Variants in GRM8 observed in about 807,000 individuals in gnomAD.
GRM8 encodes glutamate metabotropic receptor 8.
A neutral mutation model predicts 87.2 loss-of-function variants in GRM8; 47 were observed. The observed-to-expected ratio is 0.54, with a 90% CI of 0.43 to 0.69. The LOEUF is 0.69. Among genes scored for constraint, GRM8 ranks in the 30% least tolerant of loss-of-function variants. The pLI is 0.00. For synonymous variants in GRM8, 396 were observed against 404.5 expected, an observed-to-expected ratio of 0.98 and a Z score of 0.25; for missense variants, 1,019 against 1,139.2, an observed-to-expected ratio of 0.89 and a Z score of 1.52.
chr7:127,213,397 CAAT>C (rs1411105712), intron 2 of GRM8, among the ~76,000 whole-genome samples: 1 of 152,000 alleles, frequency 6.6e-6, no homozygotes, highest in Non-Finnish European at 1.5e-5. Flanking sequence ...TAAAATACCT[CAAT>C]AATTTTCATA....
intron 3 of GRM8, among the ~76,000 whole-genome samples, chr7:126,979,059 A>G (rs1039642611): frequency 2.6e-5 from 4 of 152,200 alleles, no homozygotes; most frequent in Admixed American, 2.6e-4. Context: ...ATGTGTAAAG[A>G]TCTGAAGCAT....
chr7:126,807,588 A>G (rs957946342), intron 6 of GRM8, among the ~76,000 whole-genome samples: 4 of 151,674 alleles, frequency 2.6e-5, no homozygotes, highest in African/African-American at 7.3e-5. Flanking sequence ...TTCCCCCTTC[A>G]TTATATTATC....
intron 6 of GRM8, among the ~76,000 whole-genome samples, chr7:126,862,643 A>G (rs948725752): frequency 6.6e-6 from 1 of 152,018 alleles, no homozygotes; most frequent in African/African-American, 2.4e-5. Context: ...TAATGCTTTA[A>G]ATTATAATAT....
intron 2 of GRM8, among the ~76,000 whole-genome samples, chr7:127,181,550 C>T (rs939102782): frequency 6.6e-6 from 1 of 151,716 alleles, no homozygotes; most frequent in Non-Finnish European, 1.5e-5. Flanking sequence ...CAAGACTAAG[C>T]AAAAAGAATA....
intron 9 of GRM8, among the ~76,000 whole-genome samples, chr7:126,503,187 G>C (rs903742380): frequency 6.6e-6 from 1 of 151,860 alleles, no homozygotes; most frequent in African/African-American, 2.4e-5. Context: ...TGGATCTGGG[G>C]GAATGAGGCT....
intron 7 of GRM8, among the ~76,000 whole-genome samples, chr7:126,682,638 C>G (rs1807727067): frequency 6.6e-6 from 1 of 152,208 alleles, no homozygotes; most frequent in African/African-American, 2.4e-5. Context: ...CTCGGCCTCA[C>G]CCATTCATTT....
In GRM8 at chr7:126,543,073, T is replaced by C. The variant is rs145943248; in HGVS notation, c.1495-9186A>G. 5.2e-3 allele frequency among the ~76,000 whole-genome samples: 786 copies of C among 152,334 alleles called. 8 individuals carry two copies. Among genetic ancestry groups the C allele is most frequent in the African/African-American group, 0.018 (751 of 41,580 alleles). On this transcript the variant is annotated intron_variant, in intron 8 of 10. Coordinates refer to ENST00000339582, the MANE Select transcript of GRM8 (RefSeq NM_000845.3). Reference sequence around the variant, plus strand: ...CATAAATCCAATAAACCAGCCTACATGGACATCTATGCATGATCTTGTCCC... The same window carrying C: ...CATAAATCCAATAAACCAGCCTACACGGACATCTATGCATGATCTTGTCCC...
At chr7:127,212,300 T>C (rs1291357414) in intron 2 of GRM8, among the ~76,000 whole-genome samples, 1 of 152,030 alleles carries the variant, frequency 6.6e-6, no homozygotes, top group African/African-American at 2.4e-5. Context: ...AAGACAGACA[T>C]AGAATTTCGC....
intron 9 of GRM8, among the ~76,000 whole-genome samples, chr7:126,460,176 T>G (rs776787691): frequency 2.4e-4 from 37 of 151,570 alleles, no homozygotes; most frequent in Non-Finnish European, 4.7e-4. Context: ...TCATGTCTGA[T>G]GTAGATATAT....
chr7:126,763,537 TCTGA>T lies in GRM8; in HGVS notation c.1357+6324_1357+6327del, dbSNP rs755485052. ...TACTTATTTATCATCATTCTATGTT[TCTGA>T]CTATTTCTATTTGGTTTCATTTATC... On this transcript the variant is annotated intron_variant, in intron 7 of 10. Coordinates refer to ENST00000339582, the MANE Select transcript of GRM8 (RefSeq NM_000845.3). 2.1e-3 allele frequency among the ~76,000 whole-genome samples: 308 copies of T among 149,888 alleles called. 1 individual carries two copies. Among genetic ancestry groups the T allele is most frequent in the Admixed American group, 4.1e-3 (62 of 14,976 alleles).
At chr7:126,906,940 C>T (rs1802736754) in intron 3 of GRM8, among the ~76,000 whole-genome samples, 1 of 152,120 alleles carries the variant, frequency 6.6e-6, no homozygotes, top group Non-Finnish European at 1.5e-5. Context: ...TGCCCCGTAT[C>T]TGCTAGATAC....
At chr7:126,600,219 G>T (rs1797597593) in intron 8 of GRM8, among the ~76,000 whole-genome samples, 1 of 152,098 alleles carries the variant, frequency 6.6e-6, no homozygotes, top group African/African-American at 2.4e-5. Context: ...TAATAAATTA[G>T]AAATCCGTTG....
At chr7:126,922,189 T>G (rs1487099654) in intron 3 of GRM8, among the ~76,000 whole-genome samples, 1 of 152,020 alleles carries the variant, frequency 6.6e-6, no homozygotes, top group Non-Finnish European at 1.5e-5. Flanking sequence ...AAAAACAAAA[T>G]GTTTAAGAAT....
chr7:126,592,848 GAA>G (rs1796817388), intron 8 of GRM8, among the ~76,000 whole-genome samples: 1 of 151,782 alleles, frequency 6.6e-6, no homozygotes, highest in Admixed American at 6.6e-5. Context: ...AATTAGAAAA[GAA>G]GAGATAAATT....
rs887332473 is a variant in GRM8, at chr7:127,047,397, G to GT, written c.727+59098dup. 1.8e-4 allele frequency among the ~76,000 whole-genome samples: 27 copies of GT among 149,998 alleles called. 1 individual carries two copies. Among genetic ancestry groups the GT allele is most frequent in the South Asian group, 1.1e-3 (5 of 4,738 alleles). ...AGGAAAGGAGGCCAAAGAGTTTTAA[G>GT]TTTTTTTTTTCTAACTTCTCCTAAT... On this transcript the variant is annotated intron_variant, in intron 3 of 10. Coordinates refer to ENST00000339582, the MANE Select transcript of GRM8 (RefSeq NM_000845.3).
intron 2 of GRM8, among the ~76,000 whole-genome samples, chr7:127,152,364 G>T (rs1176682429): frequency 1.3e-5 from 2 of 152,082 alleles, no homozygotes; most frequent in African/African-American, 4.8e-5. Context: ...GGTGGTGGTG[G>T]TTAACAGGCA....
chr7:126,449,237 A>G (rs1299782046), intron 9 of GRM8, among the ~76,000 whole-genome samples: 1 of 151,782 alleles, frequency 6.6e-6, no homozygotes, highest in Non-Finnish European at 1.5e-5. Flanking sequence ...AAAGTCCCCA[A>G]ACCAACCTCC....
chr7:126,464,727 A>G (rs1804296983), intron 9 of GRM8, among the ~76,000 whole-genome samples: 1 of 151,744 alleles, frequency 6.6e-6, no homozygotes, highest in Admixed American at 6.6e-5. Flanking sequence ...ACTCATGACA[A>G]TGTAATGCTT....
Position 126,609,423 on chromosome 7 carries a change from A to G in GRM8, c.1433T>C (p.Ile478Thr), listed in dbSNP as rs563715742. 6.2e-7 allele frequency: 1 copy of G among 1,613,148 alleles called. No homozygotes were observed. The highest frequency in any genetic ancestry group is 8.5e-7 in the Non-Finnish European group (1 of 1,179,086). ...PGRYDIFQYQ[I>T]TNKSTEYKVI... ...TTTGTACTCTGTGCTTTTGTTGGTTATTTGATACTGGAAGATATCATAACG... is the reference window on the plus strand; with the variant it reads ...TTTGTACTCTGTGCTTTTGTTGGTTGTTTGATACTGGAAGATATCATAACG... Residue 478 changes from isoleucine (I) to threonine (T), a missense_variant, in exon 8 of 11, where the codon ATA becomes ACA. Transcript: ENST00000339582.
Sources: allele counts gnomAD v4.1 joint callset (sites outside exome capture counted in the v4.1 genomes callset), GRCh38; gene constraint gnomAD v4.1.1; transcripts MANE v1.5; gene names NCBI Gene and HGNC (gene_info 2026-07-23, HGNC 2026-07-21).